The following BICC1 variants were observed in gnomAD, a reference collection of about 807,000 sequenced individuals.
BICC1 encodes protein bicaudal C homolog 1.
Under a neutral mutation model 111.0 loss-of-function variants are expected in BICC1, and 43 were observed. The ratio of observed to expected loss-of-function variants is 0.39; its 90% CI spans 0.30 to 0.50. The LOEUF is 0.50. BICC1 is among the 20% of genes least tolerant of loss of function. The pLI is 0.88. For missense variants in BICC1, 1,091 were observed against 1,203.2 expected, an observed-to-expected ratio of 0.91 and a Z score of 1.38; for synonymous variants, 467 against 434.4, an observed-to-expected ratio of 1.07 and a Z score of -0.93.
At chr10:58,755,335 A>G (rs1418840052) in intron 3 of BICC1, among the ~76,000 whole-genome samples, 1 of 152,234 alleles carries the variant, frequency 6.6e-6, no homozygotes, top group Non-Finnish European at 1.5e-5. Context: ...GAAAGGCTAC[A>G]GCTTCCATGG....
chr10:58,618,374 C>T (rs1845688274), intron 1 of BICC1, among the ~76,000 whole-genome samples: 1 of 152,248 alleles, frequency 6.6e-6, no homozygotes, highest in Non-Finnish European at 1.5e-5. Flanking sequence ...ACGTGAGGTG[C>T]ATTAGGTGAT....
chr10:58,592,293 G>C (rs961427095), intron 1 of BICC1, among the ~76,000 whole-genome samples: 10 of 152,086 alleles, frequency 6.6e-5, no homozygotes, highest in African/African-American at 2.4e-4. Context: ...TTTTCTTCTT[G>C]TTAGGGAGGC....
In BICC1 at chr10:58,580,933, T is replaced by C. The variant is rs1026416217; in HGVS notation, c.191-39922T>C. ...ATGGGAGTAAAAACAGAAAAAATTA[T>C]GTGACAACCTTTGTATTTTATTTAG... On this transcript the variant is annotated intron_variant, in intron 1 of 20. Coordinates refer to ENST00000373886, the MANE Select transcript of BICC1 (RefSeq NM_001080512.3). 2.6e-5 allele frequency among the ~76,000 whole-genome samples: 4 copies of C among 152,318 alleles called. No homozygotes were observed. The East Asian group carries it at 7.7e-4, about 29-fold the overall frequency.
intron 2 of BICC1, among the ~76,000 whole-genome samples, chr10:58,687,406 G>C (rs1379825344): frequency 6.6e-6 from 1 of 152,086 alleles, no homozygotes; most frequent in African/African-American, 2.4e-5. Flanking sequence ...CTGTCAGACA[G>C]GGACGTTTAA....
At chr10:58,625,076 T>G (rs1845946208) in intron 2 of BICC1, among the ~76,000 whole-genome samples, 1 of 152,232 alleles carries the variant, frequency 6.6e-6, no homozygotes. Flanking sequence ...AATAGTACTT[T>G]TTATTCTTCG....
intron 2 of BICC1, among the ~76,000 whole-genome samples, chr10:58,652,125 C>T (rs1838467730): frequency 6.6e-6 from 1 of 152,058 alleles, no homozygotes; most frequent in Non-Finnish European, 1.5e-5. Flanking sequence ...TTACTTAGGT[C>T]ATTTTACCTT....
At chr10:58,706,999 G>A (rs1170999400) in intron 3 of BICC1, among the ~76,000 whole-genome samples, 2 of 152,212 alleles carry the variant, frequency 1.3e-5, no homozygotes, top group Non-Finnish European at 2.9e-5. Context: ...ACTAATCCCT[G>A]CAAGTGGTCC....
At chr10:58,535,637 T>G (rs12768525) in intron 1 of BICC1, among the ~76,000 whole-genome samples, 13,140 of 151,594 alleles carry the variant, frequency 0.087, 684 homozygotes, top group Middle Eastern at 0.12. Flanking sequence ...TCTGAAAACA[T>G]AAAATTCACA....
intron 2 of BICC1, among the ~76,000 whole-genome samples, chr10:58,696,962 A>C (rs889254122): frequency 8.6e-5 from 13 of 151,890 alleles, no homozygotes; most frequent in Non-Finnish European, 1.5e-5. Context: ...CTTCGTGGAG[A>C]TTTTGTGGCT....
At chr10:58,558,014 T>C (rs1165071527) in intron 1 of BICC1, among the ~76,000 whole-genome samples, 1 of 152,140 alleles carries the variant, frequency 6.6e-6, no homozygotes, top group Admixed American at 6.6e-5. Context: ...CTTTCTGCTT[T>C]CTCAGGTAGG....
At chr10:58,764,349 T>C (rs1439357193) in intron 3 of BICC1, among the ~76,000 whole-genome samples, 4 of 152,120 alleles carry the variant, frequency 2.6e-5, no homozygotes, top group Admixed American at 6.6e-5. Context: ...CAAATCTGAT[T>C]TATATGACTG....
At chr10:58,608,390 G>A (rs1472434088) in intron 1 of BICC1, among the ~76,000 whole-genome samples, 1 of 152,090 alleles carries the variant, frequency 6.6e-6, no homozygotes, top group Non-Finnish European at 1.5e-5. Flanking sequence ...AGGCACAGGT[G>A]CTATTTCAAG....
intron 18 of BICC1, among the ~76,000 whole-genome samples, chr10:58,815,794 T>TTAA (rs1262371298): frequency 6.6e-6 from 1 of 152,220 alleles, no homozygotes; most frequent in Non-Finnish European, 1.5e-5. Context: ...TTTAAAATTG[T>TTAA]TAATAATTTA....
intron 1 of BICC1, among the ~76,000 whole-genome samples, chr10:58,522,959 A>G (rs1289560348): frequency 5.3e-5 from 8 of 152,214 alleles, no homozygotes; most frequent in Admixed American, 3.9e-4. Flanking sequence ...TCTAGAAGAA[A>G]TGGATTAATT....
chr10:58,779,152 T>C (rs951359346), intron 3 of BICC1, among the ~76,000 whole-genome samples: 20 of 152,330 alleles, frequency 1.3e-4, no homozygotes, highest in Admixed American at 1.1e-3. Context: ...CACCATAAAA[T>C]ATGGGCAGTG....
intron 8 of BICC1, among the ~76,000 whole-genome samples, chr10:58,791,409 T>C (rs1281054069): frequency 6.6e-6 from 1 of 152,190 alleles, no homozygotes; most frequent in East Asian, 1.9e-4. Flanking sequence ...GTATTTTAAA[T>C]ACCATCACCA....
chr10:58,663,788 G>T (rs1044312634), intron 2 of BICC1, among the ~76,000 whole-genome samples: 1 of 152,156 alleles, frequency 6.6e-6, no homozygotes, highest in African/African-American at 2.4e-5. Context: ...ATGCCAAAAA[G>T]GTTGGAGATG....
intron 3 of BICC1, among the ~76,000 whole-genome samples, chr10:58,784,739 T>C (rs1308698587): frequency 6.6e-6 from 1 of 152,164 alleles, no homozygotes; most frequent in East Asian, 1.9e-4. Flanking sequence ...GATATACTTA[T>C]TTTGTAAAAA....
chr10:58,553,000 T>G (rs1349599396), intron 1 of BICC1, among the ~76,000 whole-genome samples: 1 of 152,176 alleles, frequency 6.6e-6, no homozygotes, highest in Non-Finnish European at 1.5e-5. Context: ...AGTGTTCCTG[T>G]GTTTATATAT....
Sources: gnomAD v4.1 joint callset for allele counts (sites outside exome capture counted in the v4.1 genomes callset) on GRCh38, gnomAD v4.1.1 for gene constraint, MANE v1.5 for transcripts, NCBI Gene and HGNC (gene_info 2026-07-23, HGNC 2026-07-21) for gene names.